The following PRKCB variants were observed in gnomAD, a reference collection of about 807,000 sequenced individuals.
The protein encoded by PRKCB is protein kinase C beta, also known as protein kinase C beta type.
Under a neutral mutation model 81.5 loss-of-function variants are expected in PRKCB, and 13 were observed. The observed-to-expected ratio is 0.16, with a 90% CI of 0.10 to 0.25. The LOEUF (loss-of-function observed/expected upper bound fraction) is 0.25, where lower values mean the gene tolerates loss of function less well. Among genes scored for constraint, PRKCB ranks in the 10% least tolerant of loss-of-function variants. The pLI is 1.00. For missense variants in PRKCB, 509 were observed against 875.7 expected (o/e 0.58, Z 5.29); for synonymous variants, 335 against 321.4 (o/e 1.04, Z -0.45).
intron 5 of PRKCB, among the ~76,000 whole-genome samples, chr16:24,058,163 T>C (rs917718010): frequency 1.3e-5 from 2 of 152,180 alleles, no homozygotes; most frequent in African/African-American, 4.8e-5. Flanking sequence ...AACTTTCCAG[T>C]AGCCTTCAGT....
chr16:23,934,128 C>T lies in PRKCB; in HGVS notation c.206-54380C>T, dbSNP rs1396903882. 2.0e-5 allele frequency among the ~76,000 whole-genome samples: 3 copies of T among 152,092 alleles called. No individual in the cohort carries two copies. The East Asian group carries it at 5.8e-4, about 29-fold the overall frequency. On this transcript the variant is annotated intron_variant, in intron 2 of 16. Coordinates refer to ENST00000643927, the MANE Select transcript of PRKCB (RefSeq NM_002738.7). ...ATTTCCTTCCTGGACTTGCTTGGTT[C>T]TGTCTATTATCAGCTGGGTATAAAA...
intron 2 of PRKCB, among the ~76,000 whole-genome samples, chr16:23,956,584 A>G (rs1169946625): frequency 6.6e-6 from 1 of 152,194 alleles, no homozygotes; most frequent in Non-Finnish European, 1.5e-5. Flanking sequence ...TGTTTAGGGC[A>G]AAGGATATTA....
In PRKCB at chr16:24,121,964, A is replaced by G. The variant is rs560754590; in HGVS notation, c.919-1871A>G. 1.2e-4 allele frequency among the ~76,000 whole-genome samples: 19 copies of G among 152,352 alleles called. No homozygotes were observed. In the East Asian group the frequency reaches 3.7e-3, roughly 29 times the overall value. On this transcript the variant is annotated intron_variant, in intron 8 of 16. Transcript: ENST00000643927. ...CCATACTCCTCTAGGTACCAGGGAA[A>G]CAGTGGAAAGCAAAACAGACAAAAT...
At chr16:24,158,719 A>AAT (rs1354327709) in intron 10 of PRKCB, among the ~76,000 whole-genome samples, 4 of 151,830 alleles carry the variant, frequency 2.6e-5, no homozygotes, top group Non-Finnish European at 4.4e-5. Flanking sequence ...AGTGCAGTGA[A>AAT]ACAATCATAG....
chr16:23,914,353 C>T (rs539609525), intron 2 of PRKCB, among the ~76,000 whole-genome samples: 1 of 152,186 alleles, frequency 6.6e-6, no homozygotes, highest in South Asian at 2.1e-4. Context: ...CCATCATTGG[C>T]ATTTGTGGAT....
At chr16:24,136,180 C>T (rs987881611) in intron 9 of PRKCB, among the ~76,000 whole-genome samples, 12 of 151,860 alleles carry the variant, frequency 7.9e-5, no homozygotes, top group African/African-American at 9.7e-5. Flanking sequence ...CAGGTCTCTC[C>T]TCAATGAAGT....
At chr16:23,964,921 T>C (rs1034259236) in intron 2 of PRKCB, among the ~76,000 whole-genome samples, 9 of 152,170 alleles carry the variant, frequency 5.9e-5, no homozygotes, top group African/African-American at 2.2e-4. Flanking sequence ...CCACCCGCCT[T>C]GGCCTCCCAA....
intron 2 of PRKCB, among the ~76,000 whole-genome samples, chr16:23,977,200 G>A (rs1362991579): frequency 2.0e-5 from 3 of 152,134 alleles, no homozygotes; most frequent in Non-Finnish European, 2.9e-5. Context: ...CTATACGGTG[G>A]AACAGATGCA....
intron 9 of PRKCB, among the ~76,000 whole-genome samples, chr16:24,133,785 G>C (rs1015314831): frequency 1.1e-4 from 17 of 152,148 alleles, no homozygotes; most frequent in Non-Finnish European, 1.0e-4. Flanking sequence ...GAGGTTAAGT[G>C]ACTTCTCCAA....
intron 2 of PRKCB, among the ~76,000 whole-genome samples, chr16:23,845,539 G>A (rs542690475): frequency 2.6e-4 from 39 of 152,244 alleles, no homozygotes; most frequent in African/African-American, 8.7e-4. Flanking sequence ...ACAGCACTCC[G>A]GAAGGCCAAG....
intron 5 of PRKCB, among the ~76,000 whole-genome samples, chr16:24,046,061 T>C (rs1965759911): frequency 6.6e-6 from 1 of 152,242 alleles, no homozygotes; most frequent in African/African-American, 2.4e-5. Context: ...GCTTCTGGCT[T>C]GAGCCATTTG....
At chr16:23,853,863 G>C (rs897740639) in intron 2 of PRKCB, among the ~76,000 whole-genome samples, 1 of 150,832 alleles carries the variant, frequency 6.6e-6, no homozygotes, top group South Asian at 2.1e-4. Flanking sequence ...GCTAATAAAG[G>C]CATAACTGAG....
intron 2 of PRKCB, among the ~76,000 whole-genome samples, chr16:23,984,990 A>T (rs1964784343): frequency 6.6e-6 from 1 of 152,246 alleles, no homozygotes; most frequent in Non-Finnish European, 1.5e-5. Flanking sequence ...GAAAACTCAA[A>T]GGAAGCAACT....
chr16:23,953,180 C>G (rs1278814987), intron 2 of PRKCB, among the ~76,000 whole-genome samples: 4 of 152,298 alleles, frequency 2.6e-5, no homozygotes, highest in African/African-American at 2.4e-5. Flanking sequence ...CCCCCTGACT[C>G]TGTTCTCTGG....
chr16:24,181,021 C>G (rs1317921273), intron 13 of PRKCB, 93 bp downstream of exon 13: 14 of 1,476,032 alleles, frequency 9.5e-6, no homozygotes, highest in Non-Finnish European at 5.5e-6. Flanking sequence ...GAGGGTGGTA[C>G]CTTGCAAGGG....
At chr16:24,155,980 G>C (rs147272609) in intron 10 of PRKCB, among the ~76,000 whole-genome samples, 33 of 152,298 alleles carry the variant, frequency 2.2e-4, no homozygotes, top group African/African-American at 7.5e-4. Context: ...TCTTTCATCT[G>C]AAGTCGTATA....
chr16:23,859,958 G>A (rs1962636487), intron 2 of PRKCB, among the ~76,000 whole-genome samples: 1 of 152,088 alleles, frequency 6.6e-6, no homozygotes, highest in Non-Finnish European at 1.5e-5. Context: ...GAGAGCACAG[G>A]TGAAAATGAG....
At chr16:23,871,743 AATTTTTGT>A (rs1962908269) in intron 2 of PRKCB, among the ~76,000 whole-genome samples, 1 of 151,636 alleles carries the variant, frequency 6.6e-6, no homozygotes, top group Non-Finnish European at 1.5e-5. Context: ...ATGCCTGGCT[AATTTTTGT>A]ATTTTTAGTA....
intron 2 of PRKCB, among the ~76,000 whole-genome samples, chr16:23,902,538 T>C (rs959179202): frequency 5.3e-5 from 8 of 152,294 alleles, no homozygotes; most frequent in East Asian, 1.9e-4. Context: ...AGCACTGTTA[T>C]AGCAGTCCCC....
Sources: allele counts gnomAD v4.1 joint callset (sites outside exome capture counted in the v4.1 genomes callset), GRCh38; gene constraint gnomAD v4.1.1; transcripts MANE v1.5; gene names NCBI Gene and HGNC (gene_info 2026-07-23, HGNC 2026-07-21).